Variants in DAB1 observed in about 807,000 individuals in gnomAD.
The protein encoded by DAB1 is DAB adaptor protein 1.
Under a neutral mutation model 64.6 loss-of-function variants are expected in DAB1, and 15 were observed. The ratio of observed to expected loss-of-function variants is 0.23; its 90% CI spans 0.16 to 0.36. The LOEUF is 0.36. Among genes scored for constraint, DAB1 ranks in the 10% least tolerant of loss-of-function variants. DAB1 has a pLI of 1.00. For missense variants in DAB1, 596 were observed against 706.7 expected (o/e 0.84, Z 1.78); for synonymous variants, 235 against 251.9 (o/e 0.93, Z 0.64).
intron 1 of DAB1, among the ~76,000 whole-genome samples, chr1:58,540,243 A>G (rs1646585721): frequency 6.6e-6 from 1 of 151,790 alleles, no homozygotes; most frequent in Admixed American, 6.6e-5. Flanking sequence ...AGCAACCCCC[A>G]AAAAGATTAA....
At chr1:56,998,977 A>G (rs1645740934) in intron 14 of DAB1, among the ~76,000 whole-genome samples, 1 of 152,222 alleles carries the variant, frequency 6.6e-6, no homozygotes, top group Admixed American at 6.5e-5. Context: ...GGTTTTAAGC[A>G]TGCACAGGAC....
chr1:57,738,826 C>T (rs1557452616), intron 6 of DAB1, among the ~76,000 whole-genome samples: 1 of 152,244 alleles, frequency 6.6e-6, no homozygotes, highest in East Asian at 1.9e-4. Flanking sequence ...TTGATTTTTC[C>T]AAAGCCATTA....
chr1:57,605,939 CAA>C (rs1049784322), intron 7 of DAB1: 1 of 688,342 alleles, frequency 1.5e-6, no homozygotes, highest in African/African-American at 1.8e-5. Flanking sequence ...CTGTGCAAGT[CAA>C]AGAGTCACTT....
At chr1:58,406,888 A>T (rs1301346573) in intron 3 of DAB1, among the ~76,000 whole-genome samples, 1 of 152,052 alleles carries the variant, frequency 6.6e-6, no homozygotes, top group South Asian at 2.1e-4. Flanking sequence ...ACCTCTCTGG[A>T]CCGTCTCAGC....
chr1:58,008,645 C>A (rs983562431), intron 5 of DAB1, among the ~76,000 whole-genome samples: 1 of 152,116 alleles, frequency 6.6e-6, no homozygotes, highest in Non-Finnish European at 1.5e-5. Context: ...GATTAGATTG[C>A]AGAACTTCTG....
chr1:58,245,674 G>T (rs936304792), intron 4 of DAB1, among the ~76,000 whole-genome samples: 1 of 152,004 alleles, frequency 6.6e-6, no homozygotes, highest in African/African-American at 2.4e-5. Context: ...TAACCTCTTG[G>T]AGCCTAGCTT....
intron 1 of DAB1, among the ~76,000 whole-genome samples, chr1:57,865,873 A>G (rs1487394070): frequency 6.6e-6 from 1 of 152,210 alleles, no homozygotes; most frequent in Non-Finnish European, 1.5e-5. Flanking sequence ...GGTTGTAAAC[A>G]GCAGAATATT....
intron 4 of DAB1, among the ~76,000 whole-genome samples, chr1:58,193,235 C>G (rs602547): frequency 0.5 from 75,311 of 151,854 alleles, 20,039 homozygotes; most frequent in Middle Eastern, 0.65. Context: ...GAACCTGGTC[C>G]TTTCTCACCG....
chr1:57,180,641 C>T (rs1364983481), intron 2 of DAB1, among the ~76,000 whole-genome samples: 1 of 152,036 alleles, frequency 6.6e-6, no homozygotes, highest in Admixed American at 6.6e-5. Flanking sequence ...TTCCTAGATA[C>T]ACTTCCACTG....
At chr1:57,849,811 C>G (rs1653439501) in intron 1 of DAB1, among the ~76,000 whole-genome samples, 1 of 152,254 alleles carries the variant, frequency 6.6e-6, no homozygotes, top group South Asian at 2.1e-4. Context: ...AATTTCTTTT[C>G]CCTTTGTATA....
chr1:58,134,731 C>T (rs966380846), intron 5 of DAB1, among the ~76,000 whole-genome samples: 1 of 152,096 alleles, frequency 6.6e-6, no homozygotes, highest in African/African-American at 2.4e-5. Context: ...AAAGCACTAG[C>T]AGGATGGTGC....
intron 5 of DAB1, among the ~76,000 whole-genome samples, chr1:57,947,642 C>T (rs907012085): frequency 5.3e-5 from 8 of 151,320 alleles, no homozygotes; most frequent in East Asian, 3.9e-4. Context: ...GACTCACGTT[C>T]GATGCACCAG....
At chr1:58,309,310 T>C (rs905947925) in intron 4 of DAB1, among the ~76,000 whole-genome samples, 1 of 152,104 alleles carries the variant, frequency 6.6e-6, no homozygotes, top group Non-Finnish European at 1.5e-5. Flanking sequence ...GCCTCAAATG[T>C]TTGGTATTTA....
intron 5 of DAB1, among the ~76,000 whole-genome samples, chr1:58,068,627 G>T (rs746770480): frequency 6.6e-6 from 1 of 151,922 alleles, no homozygotes; most frequent in South Asian, 2.1e-4. Context: ...TTAGCTGGGT[G>T]TGGTGGTGGG....
intron 4 of DAB1, among the ~76,000 whole-genome samples, chr1:58,335,840 A>C (rs1437783999): frequency 6.6e-6 from 1 of 152,212 alleles, no homozygotes; most frequent in Non-Finnish European, 1.5e-5. Context: ...GATACGATCC[A>C]GTCGGGGAAA....
intron 1 of DAB1, among the ~76,000 whole-genome samples, chr1:57,310,612 A>C (rs548256130): frequency 6.6e-6 from 1 of 152,328 alleles, no homozygotes; most frequent in African/African-American, 2.4e-5. Flanking sequence ...AACTCTGGAA[A>C]GGAAAACTTT....
chr1:58,345,028 G>GA (rs1353700889), intron 3 of DAB1, among the ~76,000 whole-genome samples: 1 of 152,150 alleles, frequency 6.6e-6, no homozygotes, highest in Non-Finnish European at 1.5e-5. Flanking sequence ...GTGAAAAGAG[G>GA]AAAAGGACCC....
chr1:57,368,889 G>T (rs191517101), intron 1 of DAB1, among the ~76,000 whole-genome samples: 1 of 152,072 alleles, frequency 6.6e-6, no homozygotes, highest in Non-Finnish European at 1.5e-5. Context: ...ACTTACCAAA[G>T]AGGTAATTTC....
chr1:57,555,122 C>A (rs1644972351), intron 7 of DAB1, among the ~76,000 whole-genome samples: 1 of 149,812 alleles, frequency 6.7e-6, no homozygotes, highest in Non-Finnish European at 1.5e-5. Context: ...GTAACCTCCA[C>A]CTCCTGGGTT....
Sources: allele counts gnomAD v4.1 joint callset (sites outside exome capture counted in the v4.1 genomes callset), GRCh38; gene constraint gnomAD v4.1.1; transcripts MANE v1.5; gene names NCBI Gene and HGNC (gene_info 2026-07-23, HGNC 2026-07-21).